The following INSYN2B variants were observed in gnomAD, a reference collection of about 807,000 sequenced individuals.
INSYN2B encodes protein INSYN2B.
INSYN2B carries 16 observed loss-of-function variants against 41.2 expected under a neutral mutation model. The observed-to-expected ratio is 0.39, with a 90% CI of 0.26 to 0.59. INSYN2B has a LOEUF of 0.59. Ranked by LOEUF, INSYN2B falls within the 20% of genes least tolerant of loss-of-function variation. The pLI, the probability that INSYN2B is intolerant of heterozygous loss-of-function variation, is 0.57. For missense variants in INSYN2B, 608 were observed against 646.4 expected, an observed-to-expected ratio of 0.94 and a Z score of 0.64; for synonymous variants, 245 against 244.4, an observed-to-expected ratio of 1.00 and a Z score of -0.02.
chr5:169,970,469 C>T (rs1777463094), intron 1 of INSYN2B, among the ~76,000 whole-genome samples: 1 of 152,184 alleles, frequency 6.6e-6, no homozygotes, highest in Non-Finnish European at 1.5e-5. Flanking sequence ...CAGGGGACTG[C>T]TGTTTGAAGG....
At position 169,882,938 on chromosome 5, in the gene INSYN2B, C is replaced by T. The variant is rs1772746116; in HGVS notation, c.961G>A (p.Ala321Thr). The change falls in exon 2 of 4, where the codon GCC becomes ACC. Residue 321 changes from alanine to threonine, a missense_variant. By Grantham distance (58) the Ala-to-Thr change is moderately conservative. Transcript: ENST00000377365. The stretch of plus-strand genomic sequence containing the variant: ...CAGTCTGAGGCTCTTCCTGGGTGGG[C>T]TGGCTGGCTGTGGGAGCCTTGTGAG... Reference protein sequence around the residue: ...SPSQGSHSQPAHPGRASDCPS... With the variant: ...SPSQGSHSQPTHPGRASDCPS... 6.4e-7 allele frequency: 1 copy of T among 1,551,798 alleles called. No homozygotes were observed. The highest frequency in any genetic ancestry group is 8.7e-7 in the Non-Finnish European group (1 of 1,146,938).
At chr5:169,968,614 G>C (rs559952257) in intron 1 of INSYN2B, among the ~76,000 whole-genome samples, 83 of 152,268 alleles carry the variant, frequency 5.5e-4, no homozygotes, top group African/African-American at 1.6e-3. Context: ...TTTTCATTTT[G>C]ATGAATGATT....
chr5:169,902,470 C>T (rs1417219547), intron 1 of INSYN2B, among the ~76,000 whole-genome samples: 4 of 152,234 alleles, frequency 2.6e-5, no homozygotes, highest in Non-Finnish European at 4.4e-5. Context: ...TTATCCACTA[C>T]GTGATTCTGT....
intron 1 of INSYN2B, among the ~76,000 whole-genome samples, chr5:169,898,275 C>T (rs1581380460): frequency 6.6e-6 from 1 of 152,314 alleles, no homozygotes; most frequent in East Asian, 1.9e-4. Context: ...CATGGGGGCT[C>T]CGCTTGGGAA....
chr5:169,912,202 G>T (rs1774634148), intron 1 of INSYN2B, among the ~76,000 whole-genome samples: 1 of 151,936 alleles, frequency 6.6e-6, no homozygotes, highest in South Asian at 2.1e-4. Context: ...TTCAGTTATA[G>T]GCCAGGCTTT....
rs192506487 is a variant in INSYN2B at position 169,948,249 on chromosome 5, T to C, written c.-919+32028A>G. The stretch of plus-strand genomic sequence containing the variant: ...TGGGGAACAGTGCAGATGAAGGCCC[T>C]GCTCTCACAGAGCTTATATTTTAGT... On this transcript the variant is annotated intron_variant, in intron 1 of 3. Transcript: ENST00000377365. Among the ~76,000 whole-genome samples the C allele has an allele frequency of 6.3e-3, 964 of 152,334 alleles. 2 individuals are homozygous for C. The highest frequency in any genetic ancestry group is 0.01 in the Non-Finnish European group (710 of 68,032).
At chr5:169,879,012 G>T (rs1427447574) in intron 3 of INSYN2B, among the ~76,000 whole-genome samples, 2 of 152,184 alleles carry the variant, frequency 1.3e-5, no homozygotes, top group African/African-American at 4.8e-5. Context: ...GAGGCTTAGG[G>T]AGCAGAGAGA....
intron 1 of INSYN2B, among the ~76,000 whole-genome samples, chr5:169,915,684 C>T (rs1774838784): frequency 6.6e-6 from 1 of 151,774 alleles, no homozygotes; most frequent in South Asian, 2.1e-4. Context: ...TTATTTAGAT[C>T]TATTTTCAAC....
At chr5:169,968,808 T>A (rs961192032) in intron 1 of INSYN2B, among the ~76,000 whole-genome samples, 1 of 152,104 alleles carries the variant, frequency 6.6e-6, no homozygotes, top group Non-Finnish European at 1.5e-5. Context: ...AACACAAAGA[T>A]GGACTGCCCT....
At chr5:169,935,473 T>C (rs1011396265) in intron 1 of INSYN2B, among the ~76,000 whole-genome samples, 2 of 152,072 alleles carry the variant, frequency 1.3e-5, no homozygotes, top group African/African-American at 4.8e-5. Flanking sequence ...GGAGTTCGGG[T>C]TGAGAGCTGA....
chr5:169,888,110 C>T (rs1773079262), intron 1 of INSYN2B, among the ~76,000 whole-genome samples: 1 of 152,182 alleles, frequency 6.6e-6, no homozygotes, highest in South Asian at 2.1e-4. Flanking sequence ...TAGACAGAGC[C>T]TAGGAAGTTT....
Position 169,904,124 on chromosome 5 carries a change from G to C in INSYN2B, c.-918-19308C>G, listed in dbSNP as rs569980120. ...AAAAAAAAAAAAAAGTTTAGGGGAG[G>C]AGAAGGTAAGACATTTTCTGGGGCT... is the stretch of plus-strand genomic sequence containing the variant. On this transcript the variant is annotated intron_variant, in intron 1 of 3. Coordinates refer to ENST00000377365, the MANE Select transcript of INSYN2B (RefSeq NM_001129891.3). Among the ~76,000 whole-genome samples the C allele has an allele frequency of 1.4e-3, 215 of 151,614 alleles. 4 individuals are homozygous for C. The South Asian group carries it at 0.04, about 28-fold the overall frequency.
intron 3 of INSYN2B, among the ~76,000 whole-genome samples, chr5:169,873,270 G>A (rs1352288562): frequency 1.3e-5 from 2 of 152,194 alleles, no homozygotes; most frequent in African/African-American, 4.8e-5. Flanking sequence ...AAAATGTCTT[G>A]GGAATCTCCT....
intron 3 of INSYN2B, among the ~76,000 whole-genome samples, chr5:169,872,331 G>A (rs971217483): frequency 1.3e-5 from 2 of 152,216 alleles, no homozygotes; most frequent in African/African-American, 4.8e-5. Flanking sequence ...CATCTCTGGG[G>A]AAGAATTACA....
chr5:169,899,428 T>C (rs1251800260), intron 1 of INSYN2B, among the ~76,000 whole-genome samples: 1 of 152,138 alleles, frequency 6.6e-6, no homozygotes, highest in East Asian at 1.9e-4. Flanking sequence ...CACCTACCTA[T>C]AAATAGGATG....
chr5:169,934,954 C>T, intron 1 of INSYN2B: 1 of 290,004 alleles, frequency 3.4e-6, no homozygotes, highest in Non-Finnish European at 6.8e-6. Context: ...TTGTGCTATG[C>T]TGGATACAAT....
intron 1 of INSYN2B, among the ~76,000 whole-genome samples, chr5:169,945,951 C>T (rs982847948): frequency 2.6e-5 from 4 of 152,210 alleles, no homozygotes; most frequent in African/African-American, 9.6e-5. Flanking sequence ...CAGGAAGCCA[C>T]ATGAGCAGGC....
At chr5:169,968,863 G>T (rs536360858) in intron 1 of INSYN2B, among the ~76,000 whole-genome samples, 1 of 152,292 alleles carries the variant, frequency 6.6e-6, no homozygotes, top group Non-Finnish European at 1.5e-5. Flanking sequence ...CCCGGGAGAA[G>T]AAATGGCACT....
chr5:169,876,203 A>G (rs1437303231), intron 3 of INSYN2B, among the ~76,000 whole-genome samples: 1 of 152,170 alleles, frequency 6.6e-6, no homozygotes, highest in Non-Finnish European at 1.5e-5. Context: ...GGCCCACCAG[A>G]CAACCCACCC....
Sources: gnomAD v4.1 joint callset for allele counts (sites outside exome capture counted in the v4.1 genomes callset) on GRCh38, gnomAD v4.1.1 for gene constraint, MANE v1.5 for transcripts, NCBI Gene and HGNC (gene_info 2026-07-23, HGNC 2026-07-21) for gene names.